Variants in PRKDC observed in about 807,000 individuals in gnomAD.
PRKDC encodes protein kinase, DNA-activated, catalytic subunit.
PRKDC carries 82 observed loss-of-function variants against 486.9 expected under a neutral mutation model. The ratio of observed to expected loss-of-function variants is 0.17; its 90% CI spans 0.14 to 0.20. PRKDC has a LOEUF of 0.20. Ranked by LOEUF, PRKDC falls within the 10% of genes least tolerant of loss-of-function variation. The probability of loss-of-function intolerance (pLI) is 1.00; values close to 1 mark genes in which losing one functional copy is unlikely to be tolerated. For synonymous variants in PRKDC, 1,895 were observed against 1,837.0 expected, an observed-to-expected ratio of 1.03 and a Z score of -0.81; for missense variants, 4,504 against 5,038.2, an observed-to-expected ratio of 0.89 and a Z score of 3.21.
intron 7 of PRKDC, among the ~76,000 whole-genome samples, chr8:47,951,166 C>A (rs987162224): frequency 6.6e-6 from 1 of 152,054 alleles, no homozygotes; most frequent in African/African-American, 2.4e-5. Flanking sequence ...TGGAGACCAG[C>A]CTGGGCAACA....
chr8:47,929,273 C>A, intron 18 of PRKDC, 95 bp from the exon 19 acceptor site: 2 of 834,982 alleles, frequency 2.4e-6, no homozygotes, highest in South Asian at 1.5e-5. Context: ...AGGGGTGAAT[C>A]CATTTCAAGT....
rs189028230 is a variant in PRKDC, at chr8:47,781,387, A to G, written c.11489+775T>C. On this transcript the variant is annotated intron_variant, in intron 80 of 85. Coordinates refer to ENST00000314191, the MANE Select transcript of PRKDC (RefSeq NM_006904.7). Reference sequence around the variant, plus strand: ...ATAAGAATATGTTTGATATTTTCAGAAATCTTTCCTGACTGAAGGGAACAC... The same window carrying G: ...ATAAGAATATGTTTGATATTTTCAGGAATCTTTCCTGACTGAAGGGAACAC... 7.9e-5 allele frequency among the ~76,000 whole-genome samples: 12 copies of G among 152,340 alleles called. No homozygotes were observed. In the East Asian group the frequency reaches 1.5e-3, roughly 20 times the overall value.
Position 47,933,983 on chromosome 8 carries a change from C to G in PRKDC, c.1605G>C (p.Leu535=). Residue 535 remains leucine, a synonymous_variant, in exon 15 of 86, where the codon CTG becomes CTC. Coordinates refer to ENST00000314191, the MANE Select transcript of PRKDC (RefSeq NM_006904.7). ...ATGTTACCATCATCTGGTCAGAGCT[C>G]AGGAGATGTCTGAAGAGATCCACGT... ...KDYVDLFRHL[L]SSDQMMDSIL... 1 of 1,612,830 alleles carries G rather than the reference C, an allele frequency of 6.2e-7. No homozygotes were observed. Among genetic ancestry groups the G allele is most frequent in the Non-Finnish European group, 8.5e-7 (1 of 1,179,668 alleles).
At chr8:47,860,221 G>A (rs534255455) in intron 45 of PRKDC, among the ~76,000 whole-genome samples, 42 of 152,286 alleles carry the variant, frequency 2.8e-4, no homozygotes, top group African/African-American at 8.9e-4. Context: ...CAAAAACAAG[G>A]AGCATATAGA....
Position 47,836,478 on chromosome 8 carries a change from G to A in PRKDC, c.7811C>T (p.Pro2604Leu), listed in dbSNP as rs766376359. The A allele has an allele frequency of 1.6e-5, 25 of 1,610,822 alleles. No individual in the cohort carries two copies. Among genetic ancestry groups the A allele is most frequent in the Middle Eastern group, 1.7e-4 (1 of 6,058 alleles). Residue 2604 changes from proline to leucine, a missense_variant, in exon 58 of 86, where the codon CCG becomes CTG. Transcript: ENST00000314191. The part of the protein sequence containing the change: ...DWRFRSTVLT[P>L]MFVETQASQG... ...GGAGGCCTGGGTCTCCACAAACATC[G>A]GAGTGAGAACAGTACTTCGGAAACG...
chr8:47,927,469 G>C, intron 20 of PRKDC, 116 bp from the exon 21 acceptor site: 1 of 1,210,748 alleles, frequency 8.3e-7, no homozygotes, highest in Non-Finnish European at 1.1e-6. Context: ...CTGGATGCCC[G>C]ACACCGCTGG....
In PRKDC at chr8:47,824,009, T is replaced by A. The variant is rs1373117491; in HGVS notation, c.8784-13A>T. ...TGATCTATACAGCCTACAAAACAAA[T>A]CAAAAAGGCCAAATCAATGAACACT... On this transcript the variant is annotated splice_polypyrimidine_tract_variant and intron_variant, in intron 63 of 85. Coordinates refer to ENST00000314191, the MANE Select transcript of PRKDC (RefSeq NM_006904.7). The A allele has an allele frequency of 2.6e-6, 4 of 1,563,158 alleles. No individual in the cohort carries two copies. Among genetic ancestry groups the A allele is most frequent in the Admixed American group, 1.9e-5 (1 of 53,564 alleles).
At chr8:47,832,828 G>C (rs1050774269) in intron 59 of PRKDC, among the ~76,000 whole-genome samples, 1 of 152,130 alleles carries the variant, frequency 6.6e-6, no homozygotes, top group Non-Finnish European at 1.5e-5. Flanking sequence ...AGACTGAAAC[G>C]GATCTACGCC....
chr8:47,954,930 C>T (rs1485781588), intron 4 of PRKDC, among the ~76,000 whole-genome samples: 3 of 152,036 alleles, frequency 2.0e-5, no homozygotes, highest in African/African-American at 4.8e-5. Context: ...CCCAAGCAGG[C>T]GGATTACGAG....
At chr8:47,892,388 T>C (rs551570286) in intron 31 of PRKDC, among the ~76,000 whole-genome samples, 1 of 152,140 alleles carries the variant, frequency 6.6e-6, no homozygotes, top group African/African-American at 2.4e-5. Context: ...TAGAGTACAG[T>C]GGCACAATCA....
At chr8:47,880,275 T>C (rs922891928) in intron 38 of PRKDC, among the ~76,000 whole-genome samples, 6 of 152,176 alleles carry the variant, frequency 3.9e-5, no homozygotes, top group African/African-American at 1.4e-4. Flanking sequence ...CTAGTAAAAA[T>C]GTACTGTACA....
chr8:47,864,794 TC>T, intron 40 of PRKDC, 31 bp from the exon 41 acceptor site: 1 of 1,498,472 alleles, frequency 6.7e-7, no homozygotes, highest in South Asian at 1.3e-5. Context: ...TATATGAACA[TC>T]CCTGCTTTGA....
chr8:47,794,149 A>C (rs2086936836), intron 74 of PRKDC, 141 bp downstream of exon 74: 1 of 710,976 alleles, frequency 1.4e-6, no homozygotes, highest in Non-Finnish European at 2.3e-6. Context: ...AGATATATTC[A>C]ACAAAGCGAC....
intron 38 of PRKDC, among the ~76,000 whole-genome samples, chr8:47,880,500 C>T (rs891377552): frequency 1.3e-5 from 2 of 152,094 alleles, no homozygotes; most frequent in African/African-American, 2.4e-5. Flanking sequence ...TCCCCTTTAT[C>T]CAGTAAAAAG....
intron 25 of PRKDC, among the ~76,000 whole-genome samples, chr8:47,907,629 G>A (rs1350478379): frequency 1.4e-5 from 2 of 147,034 alleles, no homozygotes; most frequent in African/African-American, 5.0e-5. Flanking sequence ...CTGACTCCCG[G>A]GTTCAAGTGA....
chr8:47,912,803 A>G (rs770450624), intron 24 of PRKDC, among the ~76,000 whole-genome samples: 29 of 152,234 alleles, frequency 1.9e-4, no homozygotes, highest in Non-Finnish European at 3.7e-4. Flanking sequence ...GAAACTGGGA[A>G]GTATATTTCA....
intron 11 of PRKDC, among the ~76,000 whole-genome samples, chr8:47,938,357 G>A (rs1465049737): frequency 6.6e-6 from 1 of 151,070 alleles, no homozygotes; most frequent in African/African-American, 2.4e-5. Context: ...GTTGTGGTGA[G>A]CCGAGGTCAT....
chr8:47,814,404 C>CAGAA (rs975367711), intron 68 of PRKDC, among the ~76,000 whole-genome samples: 5 of 152,144 alleles, frequency 3.3e-5, no homozygotes, highest in African/African-American at 1.2e-4. Flanking sequence ...GCATAAAGTT[C>CAGAA]AGAAAGAAAG....
At position 47,773,738 on chromosome 8, in the gene PRKDC, C is replaced by T. The variant is rs2086559116; in HGVS notation, c.*435G>A. The T allele has an allele frequency of 4.3e-6, 1 of 232,778 alleles. No homozygotes were observed. The highest frequency in any genetic ancestry group is 5.5e-5 in the Admixed American group (1 of 18,160). The allele number at this position is 232,778 out of a possible 1,614,324, so 14.4% of individuals were successfully genotyped here. A position where few individuals can be genotyped will look rare whatever the true frequency, so the allele number is the denominator to read the frequency against. On this transcript the variant is annotated 3_prime_UTR_variant, in exon 86 of 86. Transcript: ENST00000314191. ...ACAATGTTACATCAACTATACTTAGCTTTACTCTCCCAAAATCTTGGTGAT... is the reference window on the plus strand; with the variant it reads ...ACAATGTTACATCAACTATACTTAGTTTTACTCTCCCAAAATCTTGGTGAT...
Sources: gnomAD v4.1 joint callset for allele counts (sites outside exome capture counted in the v4.1 genomes callset) on GRCh38, gnomAD v4.1.1 for gene constraint, MANE v1.5 for transcripts, NCBI Gene and HGNC (gene_info 2026-07-23, HGNC 2026-07-21) for gene names.